Variants in KCNIP4 observed in about 807,000 individuals in gnomAD.
KCNIP4 encodes the protein potassium voltage-gated channel interacting protein 4, also known as Kv channel-interacting protein 4.
In KCNIP4, 12 loss-of-function variants were observed where a neutral mutation model predicts 34.0. The observed-to-expected ratio is 0.35, with a 90% CI of 0.23 to 0.57. The LOEUF (loss-of-function observed/expected upper bound fraction) is 0.57, where lower values mean the gene tolerates loss of function less well. KCNIP4 is among the 20% of genes least tolerant of loss of function. The pLI is 0.83. For synonymous variants in KCNIP4, 124 were observed against 102.2 expected, an observed-to-expected ratio of 1.21 and a Z score of -1.29; for missense variants, 238 against 311.7, an observed-to-expected ratio of 0.76 and a Z score of 1.78.
At chr4:20,931,491 C>T (rs932682791) in intron 1 of KCNIP4, among the ~76,000 whole-genome samples, 5 of 152,006 alleles carry the variant, frequency 3.3e-5, no homozygotes, top group Non-Finnish European at 5.9e-5. Context: ...GCCTATTGCT[C>T]CCAGGACACA....
chr4:21,757,231 G>T (rs1458516256), intron 1 of KCNIP4, among the ~76,000 whole-genome samples: 4 of 27,594 alleles, frequency 1.4e-4, no homozygotes, highest in East Asian at 1.2e-3. Flanking sequence ...AAGAAAGAAA[G>T]AAAGAAAGAA....
chr4:21,084,370 T>C (rs1746243999), intron 1 of KCNIP4, among the ~76,000 whole-genome samples: 1 of 149,736 alleles, frequency 6.7e-6, no homozygotes, highest in Non-Finnish European at 1.5e-5. Context: ...ATTAGATTGT[T>C]CCAGGAATCC....
At chr4:21,127,610 T>TA (rs1264713330) in intron 1 of KCNIP4, among the ~76,000 whole-genome samples, 7 of 152,318 alleles carry the variant, frequency 4.6e-5, no homozygotes, top group African/African-American at 1.2e-4. Flanking sequence ...TTCACTGTGG[T>TA]ATCCCAAAAA....
intron 3 of KCNIP4, among the ~76,000 whole-genome samples, chr4:20,839,329 T>C (rs1244736711): frequency 1.3e-5 from 2 of 151,950 alleles, no homozygotes; most frequent in Admixed American, 1.3e-4. Context: ...TATAGATCTA[T>C]AGATATAGAT....
At chr4:21,061,701 G>A (rs1405284397) in intron 1 of KCNIP4, among the ~76,000 whole-genome samples, 1 of 152,140 alleles carries the variant, frequency 6.6e-6, no homozygotes, top group Non-Finnish European at 1.5e-5. Context: ...TGTGATCTAT[G>A]CCTAAACATT....
At chr4:20,872,216 T>G (rs1471586184) in intron 2 of KCNIP4, among the ~76,000 whole-genome samples, 2 of 152,140 alleles carry the variant, frequency 1.3e-5, no homozygotes, top group Admixed American at 1.3e-4. Flanking sequence ...CACTGTAATA[T>G]GCTATGGGAT....
intron 1 of KCNIP4, among the ~76,000 whole-genome samples, chr4:21,197,020 A>G (rs1577871246): frequency 6.6e-6 from 1 of 152,312 alleles, no homozygotes; most frequent in South Asian, 2.1e-4. Context: ...ATGTAAACGG[A>G]ATCGTAAACA....
chr4:20,864,461 C>G (rs575989563), intron 2 of KCNIP4, among the ~76,000 whole-genome samples: 2 of 151,690 alleles, frequency 1.3e-5, no homozygotes, highest in East Asian at 3.9e-4. Context: ...ATGCTATATT[C>G]TTGTTCTGTA....
chr4:20,905,329 T>C (rs1199685804), intron 1 of KCNIP4, among the ~76,000 whole-genome samples: 1 of 152,164 alleles, frequency 6.6e-6, no homozygotes, highest in Non-Finnish European at 1.5e-5. Flanking sequence ...CCAGCCATAC[T>C]GAATTAGGGT....
At chr4:20,963,488 C>CAG (rs1691126408) in intron 1 of KCNIP4, among the ~76,000 whole-genome samples, 1 of 151,498 alleles carries the variant, frequency 6.6e-6, no homozygotes, top group Non-Finnish European at 1.5e-5. Context: ...TGTATTTCTT[C>CAG]AAGTTAAATA....
At chr4:21,551,488 A>G (rs1485420967) in intron 1 of KCNIP4, among the ~76,000 whole-genome samples, 1 of 152,162 alleles carries the variant, frequency 6.6e-6, no homozygotes, top group Non-Finnish European at 1.5e-5. Flanking sequence ...CAGTTCATAG[A>G]AATGTGACAG....
chr4:21,013,613 C>T (rs1163619194), intron 1 of KCNIP4, among the ~76,000 whole-genome samples: 1 of 152,104 alleles, frequency 6.6e-6, no homozygotes, highest in Non-Finnish European at 1.5e-5. Flanking sequence ...TCAACTCTTG[C>T]CTCAAAGGAA....
At chr4:21,690,690 T>C (rs544426013) in intron 1 of KCNIP4, among the ~76,000 whole-genome samples, 36 of 152,338 alleles carry the variant, frequency 2.4e-4, no homozygotes, top group South Asian at 1.2e-3. Context: ...GCCTCAGGTA[T>C]TCCTTTACAG....
At chr4:21,643,819 G>A (rs1020764715) in intron 1 of KCNIP4, among the ~76,000 whole-genome samples, 2 of 151,276 alleles carry the variant, frequency 1.3e-5, no homozygotes, top group African/African-American at 4.9e-5. Context: ...TGAGCCAATT[G>A]TTTGAAATAA....
chr4:20,809,471 G>T (rs149520309), intron 3 of KCNIP4, among the ~76,000 whole-genome samples: 1 of 152,034 alleles, frequency 6.6e-6, no homozygotes, highest in African/African-American at 2.4e-5. Context: ...GGAGAATGTC[G>T]CATTCAGGAG....
chr4:21,061,189 CT>C (rs1049539204), intron 1 of KCNIP4, among the ~76,000 whole-genome samples: 2 of 151,988 alleles, frequency 1.3e-5, no homozygotes, highest in African/African-American at 4.8e-5. Context: ...TGTAATTTGC[CT>C]TTTTACATGT....
intron 1 of KCNIP4, among the ~76,000 whole-genome samples, chr4:21,805,231 G>A (rs149793254): frequency 4.6e-5 from 7 of 152,228 alleles, no homozygotes; most frequent in Admixed American, 1.3e-4. Flanking sequence ...AACAAAAGTT[G>A]GTGGAACTCC....
chr4:21,849,432 TG>T, intron 1 of KCNIP4: 1 of 152,242 alleles, frequency 6.6e-6, no homozygotes, highest in East Asian at 1.9e-4. Context: ...CAAATCAGTC[TG>T]GACATCAGAG....
chr4:21,765,821 A>G lies in KCNIP4; in HGVS notation c.61+182750T>C, dbSNP rs1421788518. Among the ~76,000 whole-genome samples, 2 of 89,416 alleles carry G rather than the reference A, an allele frequency of 2.2e-5. 1 individual carries two copies. The allele number at this position is 89,416 out of a possible 152,430, so 58.7% of individuals were successfully genotyped here. On this transcript the variant is annotated intron_variant, in intron 1 of 8. Coordinates refer to ENST00000382152, the MANE Select transcript of KCNIP4 (RefSeq NM_025221.6). ...CAGAGATCTTAGCACCAGGCCGTGA[A>G]AAAAAAAAAAAAAAAAAACAAACTG... is the stretch of plus-strand genomic sequence containing the variant.
Sources: gnomAD v4.1 joint callset for allele counts (sites outside exome capture counted in the v4.1 genomes callset) on GRCh38, gnomAD v4.1.1 for gene constraint, MANE v1.5 for transcripts, NCBI Gene and HGNC (gene_info 2026-07-23, HGNC 2026-07-21) for gene names.